The following STX17 variants were observed in gnomAD, a reference collection of about 807,000 sequenced individuals.
The protein encoded by STX17 is syntaxin-17.
STX17 carries 29 observed loss-of-function variants against 35.9 expected under a neutral mutation model. That is an observed-to-expected ratio of 0.81 (90% CI 0.60 to 1.10). The LOEUF is 1.10. Ranked by LOEUF, STX17 falls within the 50% of genes least tolerant of loss-of-function variation. The pLI is 0.00. For missense variants in STX17, 312 were observed against 352.3 expected, an observed-to-expected ratio of 0.89 and a Z score of 0.92; for synonymous variants, 92 against 118.3, an observed-to-expected ratio of 0.78 and a Z score of 1.44.
At chr9:99,945,703 A>T (rs749789590) in intron 3 of STX17, 44 of 377,654 alleles carry the variant, frequency 1.2e-4, no homozygotes, top group Middle Eastern at 4.3e-4. Context: ...AATTTATCTA[A>T]TTTTTTCCTT....
chr9:99,932,078 T>G (rs1036643371), intron 3 of STX17, among the ~76,000 whole-genome samples: 10 of 152,294 alleles, frequency 6.6e-5, no homozygotes, highest in Admixed American at 5.2e-4. Context: ...AGGTAGGTGC[T>G]TATCTTACAA....
chr9:99,936,559 A>AT, intron 3 of STX17, among the ~76,000 whole-genome samples: 1 of 151,976 alleles, frequency 6.6e-6, no homozygotes, highest in South Asian at 2.1e-4. Context: ...TCTTTCATGA[A>AT]TTTTTTATTC....
chr9:99,928,716 G>T (rs988666247), intron 2 of STX17, 62 bp from the exon 3 acceptor site: 3 of 1,455,062 alleles, frequency 2.1e-6, no homozygotes, highest in Non-Finnish European at 2.9e-6. Flanking sequence ...GATTTTTGTG[G>T]TAATGGGAAA....
chr9:99,953,246 T>C (rs1829640599), intron 4 of STX17, among the ~76,000 whole-genome samples: 1 of 152,028 alleles, frequency 6.6e-6, no homozygotes, highest in Non-Finnish European at 1.5e-5. Context: ...AGTTTCTGGG[T>C]AATCTTGCTT....
chr9:99,929,360 T>A (rs1157701052), intron 3 of STX17, among the ~76,000 whole-genome samples: 1 of 151,932 alleles, frequency 6.6e-6, no homozygotes, highest in East Asian at 1.9e-4. Context: ...AAATATTCTT[T>A]GCTAGTTATT....
chr9:99,908,255 G>A (rs977675963), intron 1 of STX17, among the ~76,000 whole-genome samples: 7 of 85,556 alleles, frequency 8.2e-5, no homozygotes, highest in African/African-American at 2.3e-4. Context: ...TTGACATCTT[G>A]GGGGGGAGCT....
intron 3 of STX17, chr9:99,945,577 TA>T (rs1209886577): frequency 1.2e-5 from 2 of 170,654 alleles, no homozygotes; most frequent in Non-Finnish European, 2.5e-5. Flanking sequence ...CATTTTTATT[TA>T]ATGTAATTAT....
chr9:99,921,527 G>A (rs1828887201), intron 2 of STX17, among the ~76,000 whole-genome samples: 1 of 151,298 alleles, frequency 6.6e-6, no homozygotes. Flanking sequence ...TTGTTTTGAA[G>A]TCATTGATGA....
At chr9:99,946,553 C>T (rs549451366) in intron 3 of STX17, among the ~76,000 whole-genome samples, 1 of 152,254 alleles carries the variant, frequency 6.6e-6, no homozygotes, top group South Asian at 2.1e-4. Context: ...GATTTACCCA[C>T]TTTTTAGCAT....
At position 99,951,290 on chromosome 9, in the gene STX17, T is replaced by C. The variant is rs752494305; in HGVS notation, c.415+5T>C. On this transcript the variant is annotated splice_donor_5th_base_variant and intron_variant, in intron 4 of 7. Coordinates refer to ENST00000259400, the MANE Select transcript of STX17 (RefSeq NM_017919.3). ...CCAGATCCATGACTGTTGGTGGTAA[T>C]GTATTGTGCTAAGTCTTATTCTCAG... 3.1e-6 allele frequency: 5 copies of C among 1,611,772 alleles called. No individual in the cohort carries two copies. The Admixed American group carries it at 5.0e-5, about 16-fold the overall frequency.
intron 2 of STX17, among the ~76,000 whole-genome samples, chr9:99,918,188 G>C (rs1009120985): frequency 6.6e-6 from 1 of 152,140 alleles, no homozygotes; most frequent in African/African-American, 2.4e-5. Context: ...GGAGTGCAGT[G>C]GTGCAATCAT....
intron 3 of STX17, among the ~76,000 whole-genome samples, chr9:99,940,423 T>A (rs1039023079): frequency 4.6e-5 from 7 of 151,536 alleles, no homozygotes; most frequent in African/African-American, 1.7e-4. Flanking sequence ...TGAGGTTAAT[T>A]GTTTTTATAG....
At chr9:99,916,920 C>A (rs902335187) in intron 2 of STX17, among the ~76,000 whole-genome samples, 34 of 152,114 alleles carry the variant, frequency 2.2e-4, no homozygotes, top group Admixed American at 2.0e-3. Context: ...AAAATGCCTG[C>A]TGTCAGTACC....
At chr9:99,912,528 G>A (rs1166268183) in intron 1 of STX17, among the ~76,000 whole-genome samples, 1 of 152,062 alleles carries the variant, frequency 6.6e-6, no homozygotes, top group South Asian at 2.1e-4. Flanking sequence ...TCCCTTGTTG[G>A]ATGACTAGTT....
intron 1 of STX17, among the ~76,000 whole-genome samples, chr9:99,914,431 C>T (rs577790878): frequency 3.9e-4 from 60 of 152,272 alleles, no homozygotes; most frequent in African/African-American, 1.2e-3. Context: ...CTAGCCCCTA[C>T]GCTTGTACTC....
intron 4 of STX17, 54 bp from the exon 5 acceptor site, chr9:99,959,863 T>C: frequency 7.6e-7 from 1 of 1,320,642 alleles, no homozygotes. Flanking sequence ...TTATGCTGTC[T>C]CTTTTCTAAC....
chr9:99,956,251 T>A (rs1244111968), intron 4 of STX17, among the ~76,000 whole-genome samples: 1 of 152,152 alleles, frequency 6.6e-6, no homozygotes, highest in African/African-American at 2.4e-5. Flanking sequence ...GTTTAAAATG[T>A]CAAACATTTC....
intron 1 of STX17, among the ~76,000 whole-genome samples, chr9:99,907,684 A>C (rs1027288259): frequency 1.3e-5 from 2 of 152,208 alleles, no homozygotes; most frequent in Non-Finnish European, 2.9e-5. Context: ...AATAATTTTA[A>C]AATTACAGAA....
intron 1 of STX17, among the ~76,000 whole-genome samples, chr9:99,913,731 T>C (rs2118299427): frequency 6.6e-6 from 1 of 152,332 alleles, no homozygotes; most frequent in African/African-American, 2.4e-5. Flanking sequence ...GCACCTGTTT[T>C]ACCCTCTTTG....
Sources: allele counts gnomAD v4.1 joint callset (sites outside exome capture counted in the v4.1 genomes callset), GRCh38; gene constraint gnomAD v4.1.1; transcripts MANE v1.5; gene names NCBI Gene and HGNC (gene_info 2026-07-23, HGNC 2026-07-21).